Variants in SMAD3 observed in about 807,000 individuals in gnomAD.
The protein encoded by SMAD3 is MAD homolog 3.
A neutral mutation model predicts 51.8 loss-of-function variants in SMAD3; 12 were observed. The ratio of observed to expected loss-of-function variants is 0.23; its 90% CI spans 0.15 to 0.38. The LOEUF (loss-of-function observed/expected upper bound fraction) is 0.38. SMAD3 is among the 10% of genes least tolerant of loss of function. SMAD3 has a pLI of 1.00. For synonymous variants in SMAD3, 238 were observed against 227.7 expected, an observed-to-expected ratio of 1.05 and a Z score of -0.41; for missense variants, 294 against 565.6, an observed-to-expected ratio of 0.52 and a Z score of 4.87.
chr15:67,123,618 A>G (rs1961319084), intron 1 of SMAD3, among the ~76,000 whole-genome samples: 1 of 152,260 alleles, frequency 6.6e-6, no homozygotes, highest in African/African-American at 2.4e-5. Context: ...TTCAGCCAGC[A>G]TTCTAATTTT....
intron 1 of SMAD3, among the ~76,000 whole-genome samples, chr15:67,081,812 CATGCAGTCA>C (rs1555406039): frequency 1.3e-5 from 2 of 152,158 alleles, no homozygotes; most frequent in Non-Finnish European, 2.9e-5. Flanking sequence ...TATTGTATCA[CATGCAGTCA>C]ATGACAGAAA....
rs113883980 is a variant in SMAD3 at position 67,173,874 on chromosome 15, A to AC, written c.658+3272dup. 8.9e-3 allele frequency among the ~76,000 whole-genome samples: 1,358 copies of AC among 152,292 alleles called. 32 individuals are homozygous for AC. Among genetic ancestry groups the AC allele is most frequent in the African/African-American group, 0.031 (1,297 of 41,556 alleles). On this transcript the variant is annotated intron_variant, in intron 5 of 8. Transcript: ENST00000327367. Reference sequence around the variant, plus strand: ...GGGCCTGAATGAGCAGGGTTTGTTGACCAGCGTTAAGTGGGATGATGGTGA... The same window carrying AC: ...GGGCCTGAATGAGCAGGGTTTGTTGACCCAGCGTTAAGTGGGATGATGGTGA...
chr15:67,084,180 A>C (rs575182947), intron 1 of SMAD3, among the ~76,000 whole-genome samples: 1 of 132,842 alleles, frequency 7.5e-6, no homozygotes, highest in Non-Finnish European at 1.5e-5. Flanking sequence ...GGTTCATGCT[A>C]TTCTCCTGCC....
chr15:67,116,924 A>G (rs1961148010), intron 1 of SMAD3, among the ~76,000 whole-genome samples: 1 of 152,166 alleles, frequency 6.6e-6, no homozygotes, highest in Non-Finnish European at 1.5e-5. Flanking sequence ...AAGCAGATAA[A>G]TGCAATGTTT....
intron 1 of SMAD3, among the ~76,000 whole-genome samples, chr15:67,067,049 G>A (rs1959938805): frequency 6.6e-6 from 1 of 152,138 alleles, no homozygotes; most frequent in Non-Finnish European, 1.5e-5. Context: ...GGAAAATAGG[G>A]TCTTCTCCCA....
In SMAD3 at chr15:67,068,525, C is replaced by T. The variant is rs1478183268; in HGVS notation, c.206+2165C>T. ...ACTTTGGAAGCCTAAGACGTGTGAACGCTTTGGATGATTCTGAGAGTTCAA... is the reference window on the plus strand; with the variant it reads ...ACTTTGGAAGCCTAAGACGTGTGAATGCTTTGGATGATTCTGAGAGTTCAA... On this transcript the variant is annotated intron_variant, in intron 1 of 8. Transcript: ENST00000327367. 2.6e-5 allele frequency among the ~76,000 whole-genome samples: 4 copies of T among 152,310 alleles called. No individual in the cohort carries two copies. In the Middle Eastern group the frequency reaches 0.01, roughly 389 times the overall value.
chr15:67,097,157 C>A (rs1276043554), intron 1 of SMAD3, among the ~76,000 whole-genome samples: 1 of 152,092 alleles, frequency 6.6e-6, no homozygotes, highest in Non-Finnish European at 1.5e-5. Context: ...AGGCTGAATT[C>A]TTGGGTCAAA....
chr15:67,181,471 T>TGGGCCCCCCC lies in SMAD3; in HGVS notation c.871+18_871+19insGGGCCCCCCC. 1.3e-6 allele frequency: 2 copies of TGGGCCCCCCC among 1,521,090 alleles called. No individual in the cohort carries two copies. The highest frequency in any genetic ancestry group is 8.8e-7 in the Non-Finnish European group (1 of 1,132,010). The allele number at this position is 1,521,090 out of a possible 1,614,324, so 94.2% of individuals were successfully genotyped here. A position where few individuals can be genotyped will look rare whatever the true frequency, so the allele number is the denominator to read the frequency against. The stretch of plus-strand genomic sequence containing the variant: ...ACACATCGGTATGGGGTGGCTCCAT[T>TGGGCCCCCCC]CCCCGCCCCCCCACCCTGCCCCTGC... On this transcript the variant is annotated intron_variant, in intron 6 of 8. Coordinates refer to ENST00000327367, the MANE Select transcript of SMAD3 (RefSeq NM_005902.4).
In SMAD3 at chr15:67,118,978, G is replaced by A. The variant is rs76502750; in HGVS notation, c.207-45917G>A. On this transcript the variant is annotated intron_variant, in intron 1 of 8. Transcript: ENST00000327367. The stretch of plus-strand genomic sequence containing the variant: ...ATTTACGGAGCACCTATTAGCAGGA[G>A]CACAGGCCAAGGAGCTGGATAGATG... Among the ~76,000 whole-genome samples the A allele has an allele frequency of 3.5e-3, 535 of 152,344 alleles. 4 individuals are homozygous for A. Among genetic ancestry groups the A allele is most frequent in the African/African-American group, 0.013 (522 of 41,576 alleles).
intron 1 of SMAD3, among the ~76,000 whole-genome samples, chr15:67,067,408 C>T (rs1027799681): frequency 7.2e-5 from 11 of 152,216 alleles, no homozygotes; most frequent in Non-Finnish European, 1.3e-4. Flanking sequence ...CTGTCTCTAC[C>T]TCTCAGCCTC....
chr15:67,164,091 C>G (rs1437942982), intron 1 of SMAD3, among the ~76,000 whole-genome samples: 2 of 151,580 alleles, frequency 1.3e-5, no homozygotes, highest in Admixed American at 6.6e-5. Context: ...GCGGGCAGAT[C>G]ACGAGGTTAG....
intron 1 of SMAD3, among the ~76,000 whole-genome samples, chr15:67,115,604 G>T (rs946122721): frequency 6.6e-6 from 1 of 152,208 alleles, no homozygotes; most frequent in South Asian, 2.1e-4. Flanking sequence ...TGAGAGACAT[G>T]CCCTCTGGGC....
chr15:67,190,916 T>C lies in SMAD3; in HGVS notation c.*380T>C, dbSNP rs1009399756. The C allele has an allele frequency of 9.3e-6, 3 of 324,236 alleles. No homozygotes were observed. The highest frequency in any genetic ancestry group is 1.7e-5 in the Non-Finnish European group (3 of 171,782). 20.1% of individuals were successfully genotyped at this position (324,236 alleles called of 1,614,324 possible). A position where few individuals can be genotyped will look rare whatever the true frequency, so the allele number is the denominator to read the frequency against. ...AACACCCCTCTGTCTAGGACTGCAG[T>C]GTGGAGTTCACCTTGGAAGGGCGTT... On this transcript the variant is annotated 3_prime_UTR_variant, in exon 9 of 9. Transcript: ENST00000327367.
At chr15:67,108,201 C>A (rs898153903) in intron 1 of SMAD3, among the ~76,000 whole-genome samples, 1 of 152,090 alleles carries the variant, frequency 6.6e-6, no homozygotes, top group African/African-American at 2.4e-5. Context: ...AGACTCTGTG[C>A]GGTTGTATTA....
intron 1 of SMAD3, among the ~76,000 whole-genome samples, chr15:67,087,902 A>G (rs763120345): frequency 2.0e-5 from 3 of 151,998 alleles, no homozygotes; most frequent in Non-Finnish European, 4.4e-5. Flanking sequence ...GTGCTTTGAA[A>G]TTGTTTTTGC....
At chr15:67,077,344 G>A (rs1024578669) in intron 1 of SMAD3, among the ~76,000 whole-genome samples, 1 of 152,178 alleles carries the variant, frequency 6.6e-6, no homozygotes, top group African/African-American at 2.4e-5. Context: ...GCATTTTGGA[G>A]ATGTTCACAG....
chr15:67,072,768 C>T (rs1960084033), intron 1 of SMAD3, among the ~76,000 whole-genome samples: 1 of 152,186 alleles, frequency 6.6e-6, no homozygotes, highest in South Asian at 2.1e-4. Flanking sequence ...AGTCCCTGAG[C>T]CATGGAGCCT....
intron 1 of SMAD3, among the ~76,000 whole-genome samples, chr15:67,093,645 A>G (rs928307017): frequency 6.6e-6 from 1 of 152,248 alleles, no homozygotes; most frequent in African/African-American, 2.4e-5. Context: ...ACAGAGGCCC[A>G]CTTTGCCTCA....
intron 1 of SMAD3, among the ~76,000 whole-genome samples, chr15:67,076,893 A>G (rs1190048067): frequency 1.3e-5 from 2 of 152,148 alleles, no homozygotes; most frequent in African/African-American, 4.8e-5. Context: ...TGGCTGGGCA[A>G]GGGGTGCAGG....
Sources: gnomAD v4.1 joint callset for allele counts (sites outside exome capture counted in the v4.1 genomes callset) on GRCh38, gnomAD v4.1.1 for gene constraint, MANE v1.5 for transcripts, NCBI Gene and HGNC (gene_info 2026-07-23, HGNC 2026-07-21) for gene names.